The following FNDC7 variants were observed in gnomAD, a reference collection of about 807,000 sequenced individuals.
FNDC7 encodes fibronectin type III domain-containing protein 7.
A neutral mutation model predicts 74.2 loss-of-function variants in FNDC7; 66 were observed. That is an observed-to-expected ratio of 0.89 (90% CI 0.73 to 1.09). The LOEUF is 1.09. Ranked by LOEUF, FNDC7 falls within the 50% of genes least tolerant of loss-of-function variation. The pLI, the probability that FNDC7 is intolerant of heterozygous loss-of-function variation, is 0.00. For synonymous variants in FNDC7, 307 were observed against 330.2 expected (o/e 0.93, Z 0.76); for missense variants, 829 against 893.4 (o/e 0.93, Z 0.92).
intron 11 of FNDC7, among the ~76,000 whole-genome samples, chr1:108,740,715 AG>A (rs1661625361): frequency 6.6e-6 from 1 of 152,206 alleles, no homozygotes; most frequent in South Asian, 2.1e-4. Context: ...CTCTGAGCCT[AG>A]GTTTCCTCAT....
intron 10 of FNDC7, among the ~76,000 whole-genome samples, chr1:108,735,601 C>T (rs1661491870): frequency 1.3e-5 from 2 of 152,042 alleles, no homozygotes; most frequent in South Asian, 2.1e-4. Context: ...TTTTAGTTAA[C>T]CCAATATATC....
chr1:108,715,204 T>C (rs1160133851), intron 2 of FNDC7, among the ~76,000 whole-genome samples: 2 of 152,208 alleles, frequency 1.3e-5, no homozygotes, highest in Admixed American at 6.5e-5. Flanking sequence ...TATCTGTGTC[T>C]GGTCACTGGG....
chr1:108,729,017 A>G, intron 8 of FNDC7, 131 bp downstream of exon 8: 3 of 1,157,440 alleles, frequency 2.6e-6, no homozygotes, highest in Non-Finnish European at 3.6e-6. Flanking sequence ...CGTTTCAAAG[A>G]GTCCCGGTCA....
At chr1:108,740,918 C>T (rs771376418) in intron 11 of FNDC7, among the ~76,000 whole-genome samples, 2 of 152,210 alleles carry the variant, frequency 1.3e-5, no homozygotes, top group Non-Finnish European at 2.9e-5. Context: ...CTACTTCTAA[C>T]GAAGACATTT....
intron 11 of FNDC7, among the ~76,000 whole-genome samples, chr1:108,738,935 C>T (rs1263256691): frequency 1.3e-5 from 2 of 152,062 alleles, no homozygotes; most frequent in Admixed American, 1.3e-4. Flanking sequence ...GTAGTAGAGA[C>T]CATACACCCT....
chr1:108,722,552 T>C lies in FNDC7; in HGVS notation c.816T>C (p.Ala272=), dbSNP rs1264784934. The change falls in exon 5 of 13, where the codon GCT becomes GCC. Residue 272 remains alanine (A), a synonymous_variant. Transcript: ENST00000370017. ...TTTCAGTTTTAGCAAGTAATGATGC[T>C]GGATCTAGCAAATCATCTTCAGCAA... is the stretch of plus-strand genomic sequence containing the variant. ...YLISVLASND[A]GSSKSSSAMT... The C allele has an allele frequency of 4.3e-6, 7 of 1,614,172 alleles. No individual in the cohort carries two copies. Among genetic ancestry groups the C allele is most frequent in the Non-Finnish European group, 4.2e-6 (5 of 1,180,002 alleles).
intron 3 of FNDC7, among the ~76,000 whole-genome samples, 164 bp from the exon 4 acceptor site, chr1:108,718,625 T>G (rs1185284467): frequency 6.6e-6 from 1 of 152,252 alleles, no homozygotes; most frequent in Non-Finnish European, 1.5e-5. Context: ...CATTTATGAT[T>G]AGTATACACT....
chr1:108,713,839 C>G (rs1294954270), intron 2 of FNDC7, among the ~76,000 whole-genome samples: 1 of 152,206 alleles, frequency 6.6e-6, no homozygotes, highest in African/African-American at 2.4e-5. Context: ...TTACAATGAT[C>G]ATCATTCCAG....
chr1:108,718,029 C>A lies in FNDC7; in HGVS notation c.335C>A (p.Thr112Lys), dbSNP rs1334564734. The A allele has an allele frequency of 6.4e-7, 1 of 1,551,302 alleles. No homozygotes were observed. The change falls in exon 3 of 13, where the codon ACA becomes AAA. Residue 112 changes from threonine to lysine, a missense_variant and splice_region_variant. By Grantham distance (78) the Thr-to-Lys change is moderately conservative (BLOSUM62 -1). Coordinates refer to ENST00000370017, the MANE Select transcript of FNDC7 (RefSeq NM_001144937.3). Reference sequence around the variant, plus strand: ...GCGTCACCTCCAAAGCAGGCAAAGACAGGTGGCTGGATGGATGCTCATCCT... The same window carrying A: ...GCGTCACCTCCAAAGCAGGCAAAGAAAGGTGGCTGGATGGATGCTCATCCT... Reference protein sequence around the residue: ...SQASPPKQAKTVLAAPILEVS... With the variant: ...SQASPPKQAKKVLAAPILEVS...
rs771127779 is a variant in FNDC7 at position 108,728,697 on chromosome 1, C to T, written c.1435C>T (p.Arg479Ter). The T allele has an allele frequency of 8.7e-6, 14 of 1,614,168 alleles. No homozygotes were observed. The highest frequency in any genetic ancestry group is 2.2e-5 in the South Asian group (2 of 91,088). Residue 479 changes from arginine to a stop codon, truncating the protein, a stop_gained, in exon 8 of 13, where the codon CGA becomes TGA. Coordinates refer to ENST00000370017, the MANE Select transcript of FNDC7 (RefSeq NM_001144937.3). LOFTEE classifies it high-confidence loss of function. ...ATTCTCCATGATTAATGTGCACTGG[C>T]GATCCACTAATGATGATGCTACTTA... ...DAFSMINVHW[R>*]STNDDATYTV...
At chr1:108,716,127 G>A (rs12122967) in intron 2 of FNDC7, among the ~76,000 whole-genome samples, 2,623 of 152,220 alleles carry the variant, frequency 0.017, 34 homozygotes, top group Non-Finnish European at 0.026. Context: ...TGCATGATCC[G>A]GCCTCCTGTG....
intron 1 of FNDC7, 155 bp from the exon 2 acceptor site, chr1:108,713,356 G>T: frequency 5.8e-6 from 4 of 683,840 alleles, no homozygotes; most frequent in South Asian, 1.8e-5. Context: ...GCTGGGAAAT[G>T]ATTTGTGTGG....
Position 108,727,790 on chromosome 1 carries a change from C to G in FNDC7, c.1112-18C>G, listed in dbSNP as rs369041827. 8.8e-5 allele frequency: 142 copies of G among 1,613,148 alleles called. No homozygotes were observed. Among genetic ancestry groups the G allele is most frequent in the Non-Finnish European group, 1.1e-4 (130 of 1,179,570 alleles). Reference sequence around the variant, plus strand: ...GCTCTTGATGGGACCGCCATTTTCCCTCTGCTCCTGCTTTCAGCTCCCTGT... The same window carrying G: ...GCTCTTGATGGGACCGCCATTTTCCGTCTGCTCCTGCTTTCAGCTCCCTGT... On this transcript the variant is annotated intron_variant, in intron 6 of 12. Coordinates refer to ENST00000370017, the MANE Select transcript of FNDC7 (RefSeq NM_001144937.3).
rs1661031503 is a variant in FNDC7 at position 108,718,835 on chromosome 1, C to A, written c.384C>A (p.Ser128=). ...AAGTAAGCTCTCCAAGTTCAGACTC[C>A]ATTCTTGTGCAGTGGGAAGCTGTAT... ...ILEVSSPSSD[S]ILVQWEAVYM... is the part of the protein sequence containing the mutation. Residue 128 remains serine, a synonymous_variant, in exon 4 of 13, where the codon TCC becomes TCA. Transcript: ENST00000370017. 6 of 1,551,874 alleles carry A rather than the reference C, an allele frequency of 3.9e-6. No homozygotes were observed. Among genetic ancestry groups the A allele is most frequent in the Non-Finnish European group, 5.2e-6 (6 of 1,147,046 alleles).
At chr1:108,724,767 T>A (rs1015862872) in intron 5 of FNDC7, among the ~76,000 whole-genome samples, 26 of 144,968 alleles carry the variant, frequency 1.8e-4, no homozygotes, top group African/African-American at 4.8e-4. Context: ...AAAAAAAAAA[T>A]TAATTAATTA....
chr1:108,713,733 A>G (rs1407988443), intron 2 of FNDC7, among the ~76,000 whole-genome samples: 1 of 152,244 alleles, frequency 6.6e-6, no homozygotes, highest in Non-Finnish European at 1.5e-5. Flanking sequence ...TGAACTCGAA[A>G]GACAAATCTT....
At chr1:108,714,381 A>T (rs1660930787) in intron 2 of FNDC7, among the ~76,000 whole-genome samples, 2 of 152,192 alleles carry the variant, frequency 1.3e-5, no homozygotes, top group Admixed American at 1.3e-4. Context: ...GTTTTTAAAA[A>T]TTTCTATTTC....
chr1:108,734,463 A>G (rs1350735397), intron 10 of FNDC7: 2 of 152,190 alleles, frequency 1.3e-5, no homozygotes, highest in Non-Finnish European at 2.9e-5. Flanking sequence ...ATGTATTCCT[A>G]GAAGAAAAGA....
Position 108,713,544 on chromosome 1 carries a change from C to A in FNDC7, c.82+15C>A, listed in dbSNP as rs762253616. 136 of 1,540,000 alleles carry A rather than the reference C, an allele frequency of 8.8e-5. No individual in the cohort carries two copies. The highest frequency in any genetic ancestry group is 1.2e-4 in the Non-Finnish European group (132 of 1,143,534). ...AGCAAAATCAGGTACAATTTTCTGA[C>A]CTGCAAGTTTTTCCTTCTCGTATTT... On this transcript the variant is annotated intron_variant, in intron 2 of 12. Coordinates refer to ENST00000370017, the MANE Select transcript of FNDC7 (RefSeq NM_001144937.3).
Sources: gnomAD v4.1 joint callset for allele counts (sites outside exome capture counted in the v4.1 genomes callset) on GRCh38, gnomAD v4.1.1 for gene constraint, MANE v1.5 for transcripts, NCBI Gene and HGNC (gene_info 2026-07-23, HGNC 2026-07-21) for gene names.